RPS6KC1: variants seen among roughly 807,000 people sequenced by gnomAD.
RPS6KC1 encodes the protein inactive ribosomal protein S6 kinase delta-1.
In RPS6KC1, 54 loss-of-function variants were observed where a neutral mutation model predicts 103.8. That is an observed-to-expected ratio of 0.52 (90% confidence interval 0.42 to 0.65). RPS6KC1 has a LOEUF of 0.65. Among genes scored for constraint, RPS6KC1 ranks in the 30% least tolerant of loss-of-function variants. The pLI is 0.00. For missense variants in RPS6KC1, 1,151 were observed against 1,253.8 expected (o/e 0.92, Z 1.24); for synonymous variants, 439 against 438.7 (o/e 1.00, Z -0.01).
At chr1:213,221,097 A>G (rs1423792088) in intron 8 of RPS6KC1, among the ~76,000 whole-genome samples, 3 of 152,208 alleles carry the variant, frequency 2.0e-5, no homozygotes, top group Non-Finnish European at 4.4e-5. Context: ...ATTATTATCC[A>G]TAGACTGAAT....
At chr1:213,558,051 C>A in the RPS6KC1 span, among the ~76,000 whole-genome samples, 29 of 152,174 alleles carry the variant, frequency 1.9e-4, no homozygotes, top group African/African-American at 5.1e-4. Flanking sequence ...GTTACACACA[C>A]AGACACACAT....
chr1:213,502,024 G>C, the RPS6KC1 span, among the ~76,000 whole-genome samples: 12 of 152,232 alleles, frequency 7.9e-5, no homozygotes, highest in Non-Finnish European at 1.8e-4. Flanking sequence ...AATTGTTGCT[G>C]TACCTCTAGG....
intron 8 of RPS6KC1, among the ~76,000 whole-genome samples, chr1:213,218,273 G>A (rs1279093124): frequency 6.6e-6 from 1 of 152,084 alleles, no homozygotes. Context: ...ATTCACAATT[G>A]CTTCAAAGAG....
chr1:213,788,385 T>C, the RPS6KC1 span, among the ~76,000 whole-genome samples: 1 of 152,212 alleles, frequency 6.6e-6, no homozygotes, highest in South Asian at 2.1e-4. Flanking sequence ...CTGCTTGTCA[T>C]CTACTTAGAT....
At chr1:213,085,504 A>G (rs1365921839) in intron 3 of RPS6KC1, among the ~76,000 whole-genome samples, 1 of 152,180 alleles carries the variant, frequency 6.6e-6, no homozygotes, top group Non-Finnish European at 1.5e-5. Context: ...ACCTTTGGGT[A>G]GATATTTGTA....
At chr1:213,117,186 C>A in intron 4 of RPS6KC1, 131 bp from the exon 5 acceptor site, 2 of 517,454 alleles carry the variant, frequency 3.9e-6, no homozygotes, top group Non-Finnish European at 3.4e-6. Context: ...AAACACTTGT[C>A]ATCTAGTTTA....
the RPS6KC1 span, among the ~76,000 whole-genome samples, chr1:213,598,237 C>G: frequency 2.0e-5 from 3 of 152,204 alleles, no homozygotes; most frequent in Non-Finnish European, 4.4e-5. Flanking sequence ...GAAGAAGTCA[C>G]ACTCTCCAAC....
At chr1:213,204,187 T>A (rs1379072733) in intron 8 of RPS6KC1, among the ~76,000 whole-genome samples, 1 of 152,244 alleles carries the variant, frequency 6.6e-6, no homozygotes, top group East Asian at 1.9e-4. Context: ...TTTCTTTATG[T>A]CTGATATCTG....
At chr1:213,815,834 G>T in the RPS6KC1 span, among the ~76,000 whole-genome samples, 1 of 152,048 alleles carries the variant, frequency 6.6e-6, no homozygotes, top group African/African-American at 2.4e-5. Context: ...GGTGCAAGAG[G>T]CCTAGCTTTT....
At chr1:213,471,698 A>G in the RPS6KC1 span, among the ~76,000 whole-genome samples, 3 of 150,636 alleles carry the variant, frequency 2.0e-5, no homozygotes, top group African/African-American at 4.9e-5. Context: ...AGAAAATTCC[A>G]TTTTTCCCCA....
At chr1:213,198,315 A>G (rs1028264581) in intron 8 of RPS6KC1, among the ~76,000 whole-genome samples, 4 of 152,186 alleles carry the variant, frequency 2.6e-5, no homozygotes, top group Non-Finnish European at 5.9e-5. Flanking sequence ...CTGCTGAACT[A>G]TCTGCTTTTA....
At chr1:213,159,364 C>T (rs1379587238) in intron 6 of RPS6KC1, among the ~76,000 whole-genome samples, 2 of 152,170 alleles carry the variant, frequency 1.3e-5, no homozygotes, top group African/African-American at 2.4e-5. Flanking sequence ...CACTTTCCTG[C>T]TTCAGTAGAA....
the RPS6KC1 span, among the ~76,000 whole-genome samples, chr1:213,644,298 G>C: frequency 6.6e-6 from 1 of 151,802 alleles, no homozygotes; most frequent in Non-Finnish European, 1.5e-5. Context: ...ACATATACAT[G>C]GTCTTCTCCA....
chr1:213,053,648 G>A (rs2077113995), intron 1 of RPS6KC1, among the ~76,000 whole-genome samples: 1 of 152,156 alleles, frequency 6.6e-6, no homozygotes, highest in Admixed American at 6.5e-5. Flanking sequence ...TGGGGAATAT[G>A]TACCAATCAA....
chr1:213,580,357 A>T, the RPS6KC1 span, among the ~76,000 whole-genome samples: 3 of 152,132 alleles, frequency 2.0e-5, no homozygotes, highest in Non-Finnish European at 4.4e-5. Flanking sequence ...ACTTGAATTA[A>T]TGAGGAACTG....
chr1:213,757,944 CA>C, the RPS6KC1 span, among the ~76,000 whole-genome samples: 1 of 152,162 alleles, frequency 6.6e-6, no homozygotes, highest in African/African-American at 2.4e-5. Context: ...TGGATGACAG[CA>C]CATCTGTTTT....
the RPS6KC1 span, among the ~76,000 whole-genome samples, chr1:213,311,655 G>A: frequency 2.0e-5 from 3 of 152,118 alleles, no homozygotes; most frequent in East Asian, 5.8e-4. Flanking sequence ...ACATTTAGGA[G>A]TATAATGGAG....
At chr1:213,359,202 TAGGTC>T in the RPS6KC1 span, among the ~76,000 whole-genome samples, 4 of 152,230 alleles carry the variant, frequency 2.6e-5, no homozygotes, top group African/African-American at 9.7e-5. Flanking sequence ...AGTCTCCTCG[TAGGTC>T]TCTAAGGACT....
chr1:213,250,389 C>T (rs1253198845), intron 12 of RPS6KC1, among the ~76,000 whole-genome samples: 1 of 152,124 alleles, frequency 6.6e-6, no homozygotes, highest in Non-Finnish European at 1.5e-5. Context: ...ACAAATACAG[C>T]ATTTGAATAA....
Sources: gnomAD v4.1 joint callset for allele counts (sites outside exome capture counted in the v4.1 genomes callset) on GRCh38, gnomAD v4.1.1 for gene constraint, MANE v1.5 for transcripts, NCBI Gene and HGNC (gene_info 2026-07-23, HGNC 2026-07-21) for gene names.